The following TNRC18 variants were observed in gnomAD, a reference collection of about 807,000 sequenced individuals.
TNRC18 encodes trinucleotide repeat-containing gene 18 protein.
A neutral mutation model predicts 226.7 loss-of-function variants in TNRC18; 69 were observed. That is an observed-to-expected ratio of 0.30 (90% CI 0.25 to 0.37). TNRC18 has a LOEUF of 0.37. Ranked by LOEUF, TNRC18 falls within the 10% of genes least tolerant of loss-of-function variation. The pLI, the probability that TNRC18 is intolerant of heterozygous loss-of-function variation, is 1.00. For synonymous variants in TNRC18, 2,449 were observed against 1,927.6 expected (o/e 1.27, Z -7.09); for missense variants, 4,754 against 4,256.6 (o/e 1.12, Z -3.25).
chr7:5,374,540 G>A (rs536324504), intron 9 of TNRC18, 56 bp from the exon 10 acceptor site: 11 of 1,483,122 alleles, frequency 7.4e-6, no homozygotes, highest in South Asian at 3.8e-5. Context: ...CCTCCCCGAC[G>A]CCCGCACCTG....
intron 17 of TNRC18, among the ~76,000 whole-genome samples, chr7:5,348,609 C>T (rs1039445268): frequency 7.9e-6 from 1 of 126,896 alleles, no homozygotes; most frequent in East Asian, 2.8e-4. Flanking sequence ...GAGAGGAAGG[C>T]GGTGAAGGTG....
intron 21 of TNRC18, among the ~76,000 whole-genome samples, chr7:5,322,642 C>CG (rs957721376): frequency 1.3e-5 from 2 of 152,202 alleles, no homozygotes; most frequent in Non-Finnish European, 2.9e-5. Context: ...AATGAATGCC[C>CG]GGGGGCAAAC....
At chr7:5,375,918 C>T (rs1583974401) in intron 9 of TNRC18, 116 bp downstream of exon 9, 1 of 1,044,472 alleles carries the variant, frequency 9.6e-7, no homozygotes, top group East Asian at 2.6e-5. Context: ...GACCACCTGC[C>T]CCTCTGCTGT....
intron 14 of TNRC18, among the ~76,000 whole-genome samples, chr7:5,360,504 A>G (rs1792923230): frequency 6.6e-6 from 1 of 152,132 alleles, no homozygotes; most frequent in African/African-American, 2.4e-5. Flanking sequence ...TGCTGGGATT[A>G]CAGGCGTGAG....
chr7:5,353,696 C>T (rs1792069920), intron 16 of TNRC18, among the ~76,000 whole-genome samples: 1 of 152,180 alleles, frequency 6.6e-6, no homozygotes, highest in African/African-American at 2.4e-5. Context: ...CCCCTACCTC[C>T]TTGTGAACCC....
intron 19 of TNRC18, among the ~76,000 whole-genome samples, chr7:5,330,551 A>G (rs985163074): frequency 6.6e-6 from 1 of 151,858 alleles, no homozygotes; most frequent in African/African-American, 2.4e-5. Flanking sequence ...GTGCCTGTCC[A>G]TATGTGAGCC....
chr7:5,371,152 G>A lies in TNRC18; in HGVS notation c.3442C>T (p.Pro1148Ser). 1 of 1,609,544 alleles carries A rather than the reference G, an allele frequency of 6.2e-7. No individual in the cohort carries two copies. Among genetic ancestry groups the A allele is most frequent in the South Asian group, 1.1e-5 (1 of 90,916 alleles). Residue 1148 changes from proline to serine, a missense_variant, in exon 11 of 30, where the codon CCG becomes TCG. Pro to Ser is a moderately conservative substitution (Grantham distance 74, BLOSUM62 -1). Transcript: ENST00000430969. ...CGCTCAGCCAGCGGTTCTTCCTCCG[G>A]GCCCTCCCGCAGCGGCTCTGTGATC... The part of the protein sequence containing the change: ...SKITEPLREG[P>S]EEEPLAEREV...
intron 10 of TNRC18, among the ~76,000 whole-genome samples, chr7:5,373,238 C>T (rs569156834): frequency 2.6e-5 from 4 of 152,226 alleles, no homozygotes; most frequent in Admixed American, 2.0e-4. Flanking sequence ...ACAGGAGGAT[C>T]GCTCGAGTCC....
intron 11 of TNRC18, among the ~76,000 whole-genome samples, chr7:5,366,391 A>G (rs1281769043): frequency 5.6e-5 from 7 of 125,904 alleles, no homozygotes; most frequent in African/African-American, 2.3e-4. Context: ...TGCAGTGACC[A>G]ATCTTGGCTC....
intron 11 of TNRC18, among the ~76,000 whole-genome samples, chr7:5,368,389 G>T (rs1455447032): frequency 6.6e-6 from 1 of 151,688 alleles, no homozygotes; most frequent in Non-Finnish European, 1.5e-5. Context: ...GTGTCCGGGC[G>T]CGGTGGCTCA....
At position 5,388,837 on chromosome 7, in the gene TNRC18, G is replaced by C. The variant is rs1308535389; in HGVS notation, c.987C>G (p.Arg329=). 8.2e-7 allele frequency: 1 copy of C among 1,216,124 alleles called. No homozygotes were observed. The highest frequency in any genetic ancestry group is 3.4e-4 in the Middle Eastern group (1 of 2,924). The allele number at this position is 1,216,124 out of a possible 1,614,324, so 75.3% of individuals were successfully genotyped here. The part of the protein sequence containing the change: ...RRTETLLPGP[R]PCPSPLPPPP... The stretch of plus-strand genomic sequence containing the variant: ...GCGGGGGCAGCGGTGAGGGGCAGGG[G>C]CGCGGCCCAGGGAGCAGGGTCTCCG... The change falls in exon 5 of 30, where the codon CGC becomes CGG. Residue 329 remains arginine (R), a synonymous_variant. Coordinates refer to ENST00000430969, the MANE Select transcript of TNRC18 (RefSeq NM_001080495.3).
intron 19 of TNRC18, among the ~76,000 whole-genome samples, chr7:5,327,080 G>A (rs1788994080): frequency 6.6e-6 from 1 of 152,188 alleles, no homozygotes; most frequent in Non-Finnish European, 1.5e-5. Flanking sequence ...CCGACATCGT[G>A]CCACTGCACT....
chr7:5,321,291 C>T, intron 21 of TNRC18, 101 bp from the exon 22 acceptor site: 2 of 860,854 alleles, frequency 2.3e-6, no homozygotes, highest in Non-Finnish European at 3.6e-6. Context: ...AATGGAGGCC[C>T]TGGTACCGGG....
chr7:5,323,018 G>A (rs1435073968), intron 21 of TNRC18, among the ~76,000 whole-genome samples: 1 of 152,186 alleles, frequency 6.6e-6, no homozygotes, highest in Non-Finnish European at 1.5e-5. Context: ...ACGCAGAGAG[G>A]ACCACAGACC....
At chr7:5,362,221 C>T (rs1040524815) in intron 12 of TNRC18, among the ~76,000 whole-genome samples, 188 bp from the exon 13 acceptor site, 13 of 152,176 alleles carry the variant, frequency 8.5e-5, no homozygotes, top group African/African-American at 3.1e-4. Flanking sequence ...GCTGGCTCTG[C>T]GGGGCTGTGG....
Position 5,394,354 on chromosome 7 carries a change from TGAC to T in TNRC18, c.343+83_343+85del. On this transcript the variant is annotated intron_variant, in intron 3 of 29. Coordinates refer to ENST00000430969, the MANE Select transcript of TNRC18 (RefSeq NM_001080495.3). This position sits in a 1 kb window ranked among gnomAD's most constrained non-coding sequence, Gnocchi z 4.5. ...GGACCCACCAGCCCCAGCTCAGCGA[TGAC>T]AACAGAGGGGCACATGAAGTGGCCA... The T allele has an allele frequency of 7.6e-7, 1 of 1,314,554 alleles. No homozygotes were observed. The highest frequency in any genetic ancestry group is 2.7e-4 in the Middle Eastern group (1 of 3,662). The allele number at this position is 1,314,554 out of a possible 1,614,324, so 81.4% of individuals were successfully genotyped here.
rs537727429 is a variant in TNRC18 at position 5,320,766 on chromosome 7, G to A, written c.6561-159C>T. The A allele has an allele frequency of 5.9e-5, 40 of 678,256 alleles. No homozygotes were observed. The South Asian group carries it at 7.2e-4, about 12-fold the overall frequency. 42.0% of individuals were successfully genotyped at this position (678,256 alleles called of 1,614,324 possible). ...ATTTGGGAATTCTCCCCCTTTTCTG[G>A]GTTCATTTTCCTCATCTGTAGGACT... On this transcript the variant is annotated intron_variant, in intron 22 of 29. Coordinates refer to ENST00000430969, the MANE Select transcript of TNRC18 (RefSeq NM_001080495.3).
At chr7:5,343,771 C>A (rs1006861845) in intron 18 of TNRC18, among the ~76,000 whole-genome samples, 1 of 152,198 alleles carries the variant, frequency 6.6e-6, no homozygotes, top group Non-Finnish European at 1.5e-5. Flanking sequence ...TTTTCTCAGA[C>A]ATAATGCTAC....
intron 18 of TNRC18, among the ~76,000 whole-genome samples, chr7:5,340,362 A>C (rs1562515298): frequency 1.3e-5 from 2 of 152,222 alleles, no homozygotes; most frequent in African/African-American, 4.8e-5. Context: ...ACTCTCTTCA[A>C]TTCTGTGAAG....
Sources: gnomAD v4.1 joint callset for allele counts (sites outside exome capture counted in the v4.1 genomes callset) on GRCh38, gnomAD v4.1.1 for gene constraint, Gnocchi (gnomAD v3.1) non-coding constraint, MANE v1.5 for transcripts, NCBI Gene and HGNC (gene_info 2026-07-23, HGNC 2026-07-21) for gene names.